The following OTUD4 variants were observed in gnomAD, a reference collection of about 807,000 sequenced individuals.
OTUD4 encodes the protein OTU deubiquitinase 4, also known as OTU domain-containing protein 4.
OTUD4 carries 24 observed loss-of-function variants against 130.4 expected under a neutral mutation model. The observed-to-expected ratio is 0.18, with a 90% CI of 0.13 to 0.26. The LOEUF (loss-of-function observed/expected upper bound fraction) is 0.26, where lower values mean the gene tolerates loss of function less well. Ranked by LOEUF, OTUD4 falls within the 10% of genes least tolerant of loss-of-function variation. OTUD4 has a pLI of 1.00. For missense variants in OTUD4, 1,031 were observed against 1,329.4 expected (o/e 0.78, Z 3.49); for synonymous variants, 420 against 472.5 (o/e 0.89, Z 1.44).
At position 145,144,300 on chromosome 4, in the gene OTUD4, A is replaced by G. The variant is rs985487017; in HGVS notation, c.1546+11T>C. 3 of 1,607,622 alleles carry G rather than the reference A, an allele frequency of 1.9e-6. No homozygotes were observed. The highest frequency in any genetic ancestry group is 1.1e-5 in the South Asian group (1 of 89,518). ...CTCTAGCATCTGCTTTCTAATGATG[A>G]GATAACTTACCTTTGTCTTTTCGTT... On this transcript the variant is annotated intron_variant, in intron 15 of 20. Transcript: ENST00000447906.
Position 145,137,315 on chromosome 4 carries a change from G to T in OTUD4, c.*115C>A, listed in dbSNP as rs1412008693. The T allele has an allele frequency of 1.2e-5, 10 of 832,562 alleles. No homozygotes were observed. In the East Asian group the frequency reaches 2.5e-4, roughly 20 times the overall value. 51.6% of individuals were successfully genotyped at this position (832,562 alleles called of 1,614,324 possible). A position where few individuals can be genotyped will look rare whatever the true frequency, so the allele number is the denominator to read the frequency against. On this transcript the variant is annotated 3_prime_UTR_variant, in exon 21 of 21. Transcript: ENST00000447906. ...CCAGTATGGGAGTGAAGGTAAGGGG[G>T]GCTGGGGAGAGGAAAGAGTTCCAAC...
chr4:145,151,749 T>C (rs547833802), intron 11 of OTUD4, among the ~76,000 whole-genome samples: 1 of 152,336 alleles, frequency 6.6e-6, no homozygotes, highest in Admixed American at 6.5e-5. Context: ...TCTTAATTTG[T>C]ATATGTTTAA....
intron 10 of OTUD4, among the ~76,000 whole-genome samples, chr4:145,152,846 A>T (rs1399654418): frequency 9.9e-5 from 15 of 151,338 alleles, no homozygotes. Context: ...TTAGCCTCCC[A>T]AGTAGCTGGG....
chr4:145,162,317 G>C (rs1357267850), intron 6 of OTUD4, among the ~76,000 whole-genome samples: 1 of 152,138 alleles, frequency 6.6e-6, no homozygotes, highest in Non-Finnish European at 1.5e-5. Context: ...ACTTTGGGAG[G>C]TCGAGGCGGG....
chr4:145,160,852 G>A (rs1210259864), intron 6 of OTUD4, among the ~76,000 whole-genome samples: 1 of 151,992 alleles, frequency 6.6e-6, no homozygotes, highest in East Asian at 1.9e-4. Flanking sequence ...GCTCATGCCT[G>A]TAATTCCAGC....
At position 145,180,282 on chromosome 4, in the gene OTUD4, G is replaced by C. The variant is rs1390688045; in HGVS notation, c.-309C>G. 1 of 153,526 alleles carries C rather than the reference G, an allele frequency of 6.5e-6. No individual in the cohort carries two copies. Among genetic ancestry groups the C allele is most frequent in the Admixed American group, 6.5e-5 (1 of 15,330 alleles). 9.5% of individuals were successfully genotyped at this position (153,526 alleles called of 1,614,324 possible). On this transcript the variant is annotated 5_prime_UTR_variant, in exon 1 of 21. Transcript: ENST00000447906. ...GTAGTCACTTCCCGACGGCCTCGCT[G>C]CCTGACTCAGGACCCAGGCCGGGGG...
intron 10 of OTUD4, among the ~76,000 whole-genome samples, chr4:145,154,971 C>T (rs1751218814): frequency 1.3e-5 from 2 of 152,216 alleles, no homozygotes; most frequent in Non-Finnish European, 2.9e-5. Flanking sequence ...TTGGCAAAAA[C>T]TCCTCTGTGG....
chr4:145,165,025 A>C (rs1427197825), intron 4 of OTUD4, 126 bp downstream of exon 4: 1 of 496,460 alleles, frequency 2.0e-6, no homozygotes, highest in African/African-American at 1.9e-5. Flanking sequence ...CAATTAAAAA[A>C]AACTTAGAAA....
Position 145,159,333 on chromosome 4 carries a change from T to C in OTUD4, c.629+170A>G, listed in dbSNP as rs36225460. 1,286 of 1,447,296 alleles carry C rather than the reference T, an allele frequency of 8.9e-4. 8 individuals carry two copies. The African/African-American group carries it at 0.014, about 16-fold the overall frequency. The allele number at this position is 1,447,296 out of a possible 1,614,324, so 89.7% of individuals were successfully genotyped here. On this transcript the variant is annotated intron_variant, in intron 7 of 20. Coordinates refer to ENST00000447906, the MANE Select transcript of OTUD4 (RefSeq NM_001366057.1). Reference sequence around the variant, plus strand: ...AAACAAACAGTCCCATAATAGAAATTAGGTAAAATTAGTGACAGGGATAAA... The same window carrying C: ...AAACAAACAGTCCCATAATAGAAATCAGGTAAAATTAGTGACAGGGATAAA...
At chr4:145,158,092 T>C (rs571875843) in intron 7 of OTUD4, among the ~76,000 whole-genome samples, 3 of 152,232 alleles carry the variant, frequency 2.0e-5, no homozygotes, top group Non-Finnish European at 4.4e-5. Context: ...GAATTAAATT[T>C]ACAATGGCAG....
At chr4:145,143,525 C>A in intron 16 of OTUD4, 80 bp from the exon 17 acceptor site, 1 of 794,510 alleles carries the variant, frequency 1.3e-6, no homozygotes, top group East Asian at 2.6e-5. Context: ...TTTTATAATT[C>A]ACCCTACCTG....
At chr4:145,150,000 T>C (rs1277264421) in intron 13 of OTUD4, among the ~76,000 whole-genome samples, 1 of 152,248 alleles carries the variant, frequency 6.6e-6, no homozygotes, top group Non-Finnish European at 1.5e-5. Context: ...AAAGTTCATC[T>C]GCCTCTGGAT....
chr4:145,170,030 T>C (rs1020858391), intron 3 of OTUD4, among the ~76,000 whole-genome samples: 1 of 152,200 alleles, frequency 6.6e-6, no homozygotes, highest in African/African-American at 2.4e-5. Flanking sequence ...GGGAAAGTGA[T>C]GGAAGCTGAG....
At chr4:145,154,015 A>G (rs1751173645) in intron 10 of OTUD4, among the ~76,000 whole-genome samples, 1 of 152,244 alleles carries the variant, frequency 6.6e-6, no homozygotes, top group South Asian at 2.1e-4. Flanking sequence ...GAAAAAAATG[A>G]AAGCATGTGC....
At position 145,146,442 on chromosome 4, in the gene OTUD4, A is replaced by C. The variant is rs758255032; in HGVS notation, c.1260-13T>G. 10 of 1,466,664 alleles carry C rather than the reference A, an allele frequency of 6.8e-6. No individual in the cohort carries two copies. Among genetic ancestry groups the C allele is most frequent in the Non-Finnish European group, 9.1e-6 (10 of 1,094,414 alleles). The allele number at this position is 1,466,664 out of a possible 1,614,324, so 90.9% of individuals were successfully genotyped here. A position where few individuals can be genotyped will look rare whatever the true frequency, so the allele number is the denominator to read the frequency against. ...ACGATCAGGTTTTCTGTCAAATAAA[A>C]CATTCTTGTCAGAAAATACATAAAT... On this transcript the variant is annotated splice_polypyrimidine_tract_variant and intron_variant, in intron 13 of 20. Transcript: ENST00000447906.
At chr4:145,177,487 A>G (rs1752482304) in intron 1 of OTUD4, among the ~76,000 whole-genome samples, 1 of 152,270 alleles carries the variant, frequency 6.6e-6, no homozygotes, top group Non-Finnish European at 1.5e-5. Flanking sequence ...CAAGGTTGAT[A>G]ACACTTCGAA....
chr4:145,138,661 A>G lies in OTUD4; in HGVS notation c.2125-11T>C. 1 of 1,576,338 alleles carries G rather than the reference A, an allele frequency of 6.3e-7. No individual in the cohort carries two copies. Among genetic ancestry groups the G allele is most frequent in the Non-Finnish European group, 8.6e-7 (1 of 1,167,028 alleles). On this transcript the variant is annotated splice_polypyrimidine_tract_variant and intron_variant, in intron 20 of 20. Transcript: ENST00000447906. ...AGGACAACTGTATGCCTGAAGAGAC[A>G]AAAAACAGTTAAATAAACAAAAGAG...
rs779267032 is a variant in OTUD4 at position 145,138,354 on chromosome 4, T to C, written c.2421A>G (p.Gln807=). ...ATTCAAGATCAGCCTGGTAAGACAA[T>C]TGTCCATGACTTTCAGACACCTGAG... ...PPSQVSESHG[Q]LSYQADLESE... Residue 807 remains glutamine (Q), a synonymous_variant, in exon 21 of 21, where the codon CAA becomes CAG. Transcript: ENST00000447906. 6.2e-6 allele frequency: 10 copies of C among 1,613,998 alleles called. No homozygotes were observed. The highest frequency in any genetic ancestry group is 3.3e-5 in the South Asian group (3 of 91,082).
intron 19 of OTUD4, 67 bp downstream of exon 19, chr4:145,141,311 CT>C: frequency 6.5e-6 from 9 of 1,393,728 alleles, no homozygotes; most frequent in Non-Finnish European, 8.7e-6. Context: ...CTACTTACAT[CT>C]CTTCATTTCT....
Sources: allele counts gnomAD v4.1 joint callset (sites outside exome capture counted in the v4.1 genomes callset), GRCh38; gene constraint gnomAD v4.1.1; transcripts MANE v1.5; gene names NCBI Gene and HGNC (gene_info 2026-07-23, HGNC 2026-07-21).